PDGFRA: variants seen among roughly 807,000 people sequenced by gnomAD.
PDGFRA encodes platelet-derived growth factor receptor alpha.
PDGFRA carries 25 observed loss-of-function variants against 121.5 expected under a neutral mutation model. That is an observed-to-expected ratio of 0.21 (90% CI 0.15 to 0.29). The LOEUF (loss-of-function observed/expected upper bound fraction) is 0.29. PDGFRA is among the 10% of genes least tolerant of loss of function. PDGFRA has a pLI of 1.00. For missense variants in PDGFRA, 1,008 were observed against 1,345.1 expected, an observed-to-expected ratio of 0.75 and a Z score of 3.92; for synonymous variants, 463 against 494.8, an observed-to-expected ratio of 0.94 and a Z score of 0.85.
Position 54,261,095 on chromosome 4 carries a change from G to A in PDGFRA, c.50G>A (p.Gly17Glu), listed in dbSNP as rs766600687. ...AFLVLGCLLT[G>E]LSLILCQLSL... ...ATTCAGAGCGTGCTTCCTTTTGCAG[G>A]GCTGAGCCTAATCCTCTGCCAGCTT... is the stretch of plus-strand genomic sequence containing the variant. Residue 17 changes from glycine to glutamate, a missense_variant and splice_region_variant, in exon 3 of 23, where the codon GGG (glycine) becomes GAG (glutamate). Gly to Glu is a moderately conservative substitution (Grantham distance 98). Around this residue, in one of 5 missense-constraint regions of PDGFRA, gnomAD observed 575 missense variants for 701.8 expected, o/e 0.82. Transcript: ENST00000257290. 1 of 1,613,966 alleles carries A rather than the reference G, an allele frequency of 6.2e-7. No homozygotes were observed.
chr4:54,246,521 G>C lies in PDGFRA; in HGVS notation c.-12-12236G>C, dbSNP rs1317658096. On this transcript the variant is annotated intron_variant, in intron 1 of 22. Coordinates refer to ENST00000257290, the MANE Select transcript of PDGFRA (RefSeq NM_006206.6). ...ATAAAGATGTTCTTTGAACCGACGA[G>C]AACAAAGACACAACATACCAGAATC... is the stretch of plus-strand genomic sequence containing the variant. Among the ~76,000 whole-genome samples the C allele has an allele frequency of 2.0e-5, 3 of 152,114 alleles. No individual in the cohort carries two copies. The East Asian group carries it at 5.8e-4, about 29-fold the overall frequency.
chr4:54,281,349 T>C (rs1724068608), intron 16 of PDGFRA, among the ~76,000 whole-genome samples: 1 of 152,258 alleles, frequency 6.6e-6, no homozygotes, highest in Non-Finnish European at 1.5e-5. Context: ...GTGCTCTGAA[T>C]GTTTTCAGGT....
Position 54,240,274 on chromosome 4 carries a change from T to C in PDGFRA, c.-13+10859T>C, listed in dbSNP as rs188900896. Among the ~76,000 whole-genome samples, 13 of 152,382 alleles carry C rather than the reference T, an allele frequency of 8.5e-5. No homozygotes were observed. In the East Asian group the frequency reaches 1.9e-3, roughly 23 times the overall value. On this transcript the variant is annotated intron_variant, in intron 1 of 22. Transcript: ENST00000257290. ...ACTGTTTAAGGCAAGACACTTGGTT[T>C]TGAGAGTTCTCCCGTTGTGTTGACC...
Position 54,269,588 on chromosome 4 carries a change from A to C in PDGFRA, c.1122-1045A>C, listed in dbSNP as rs114623145. On this transcript the variant is annotated intron_variant, in intron 7 of 22. Coordinates refer to ENST00000257290, the MANE Select transcript of PDGFRA (RefSeq NM_006206.6). Reference sequence around the variant, plus strand: ...AATATTTTTGGGGAAGTTTCTCTTTAATAAAGTTTGAAGAGACATATATTT... The same window carrying C: ...AATATTTTTGGGGAAGTTTCTCTTTCATAAAGTTTGAAGAGACATATATTT... Among the ~76,000 whole-genome samples the C allele has an allele frequency of 4.6e-3, 698 of 151,810 alleles. 7 individuals carry two copies. Among genetic ancestry groups the C allele is most frequent in the African/African-American group, 0.016 (671 of 41,358 alleles).
At chr4:54,290,174 C>G in intron 21 of PDGFRA, 139 bp from the exon 22 acceptor site, 1 of 724,062 alleles carries the variant, frequency 1.4e-6, no homozygotes. Context: ...TGACATGACT[C>G]TCCTTCAACT....
At chr4:54,292,621 T>C (rs1437037444) in intron 22 of PDGFRA, among the ~76,000 whole-genome samples, 2 of 151,992 alleles carry the variant, frequency 1.3e-5, no homozygotes, top group Admixed American at 1.3e-4. Flanking sequence ...ATGACGCATG[T>C]TTACCCATGT....
Position 54,280,469 on chromosome 4 carries a change from G to T in PDGFRA, c.2310G>T (p.Lys770Asn). 1 of 1,613,156 alleles carries T rather than the reference G, an allele frequency of 6.2e-7. No individual in the cohort carries two copies. Among genetic ancestry groups the T allele is most frequent in the East Asian group, 2.2e-5 (1 of 44,836 alleles). ...ATGATCGTCCAGCCTCATATAAGAA[G>T]AAATCTATGTTAGGTAAAAGTGTCT... Reference protein sequence around the residue: ...SLYDRPASYKKKSMLDSEVKN... With the variant: ...SLYDRPASYKNKSMLDSEVKN... Residue 770 changes from lysine (K) to asparagine (N), a missense_variant, in exon 16 of 23, where the codon AAG becomes AAT. Transcript: ENST00000257290.
Position 54,285,788 on chromosome 4 carries a change from C to T in PDGFRA, c.2440-53C>T, listed in dbSNP as rs535803765. 2.0e-6 allele frequency: 3 copies of T among 1,500,516 alleles called. No individual in the cohort carries two copies. In the South Asian group the frequency reaches 3.4e-5, roughly 17 times the overall value. The allele number at this position is 1,500,516 out of a possible 1,614,324, so 93.0% of individuals were successfully genotyped here. A position where few individuals can be genotyped will look rare whatever the true frequency, so the allele number is the denominator to read the frequency against. ...ATCAGCCAGTCTTGCAGGGGTGATG[C>T]TATTCAGCTACAGATGGCTTGATCC... On this transcript the variant is annotated intron_variant, in intron 17 of 22. Coordinates refer to ENST00000257290, the MANE Select transcript of PDGFRA (RefSeq NM_006206.6).
rs189302784 is a variant in PDGFRA at position 54,241,211 on chromosome 4, C to T, written c.-13+11796C>T. 1.4e-3 allele frequency among the ~76,000 whole-genome samples: 217 copies of T among 151,450 alleles called. 2 individuals carry two copies. Among genetic ancestry groups the T allele is most frequent in the South Asian group, 5.8e-3 (28 of 4,792 alleles). ...TATGTGGGGTTTAAAATATGAATTT[C>T]GAAAGAAAATAAAAACAAGTAGAAA... On this transcript the variant is annotated intron_variant, in intron 1 of 22. Coordinates refer to ENST00000257290, the MANE Select transcript of PDGFRA (RefSeq NM_006206.6).
intron 1 of PDGFRA, among the ~76,000 whole-genome samples, chr4:54,247,420 C>A (rs928688723): frequency 6.6e-6 from 1 of 152,100 alleles, no homozygotes; most frequent in Admixed American, 6.6e-5. Flanking sequence ...TCAATATACC[C>A]AAATCAATAA....
rs763300570 is a variant in PDGFRA at position 54,295,121 on chromosome 4, C to T, written c.3123-4C>T. On this transcript the variant is annotated splice_region_variant and splice_polypyrimidine_tract_variant and intron_variant, in intron 22 of 22. Transcript: ENST00000257290. The stretch of plus-strand genomic sequence containing the variant: ...TAATATTTGCTCTTCTCTCCCTCCT[C>T]CAGCTCGCAGACCTCTGAAGAGAGT... 6.2e-7 allele frequency: 1 copy of T among 1,613,890 alleles called. No individual in the cohort carries two copies. The highest frequency in any genetic ancestry group is 2.2e-5 in the East Asian group (1 of 44,854).
chr4:54,239,932 C>T (rs1721207026), intron 1 of PDGFRA: 1 of 208,970 alleles, frequency 4.8e-6, no homozygotes, highest in Non-Finnish European at 1.1e-5. Context: ...CTCACTGAAG[C>T]CTGGACCTCA....
chr4:54,244,518 G>C (rs537045913), intron 1 of PDGFRA, among the ~76,000 whole-genome samples: 2 of 152,198 alleles, frequency 1.3e-5, no homozygotes, highest in Admixed American at 1.3e-4. Context: ...CTGTCTGTTA[G>C]AAGGAAAACT....
Position 54,289,491 on chromosome 4 carries a change from T to C in PDGFRA, c.2880+377T>C, listed in dbSNP as rs183557432. Among the ~76,000 whole-genome samples, 54 of 152,330 alleles carry C rather than the reference T, an allele frequency of 3.5e-4. 1 individual carries two copies. The highest frequency in any genetic ancestry group is 1.2e-3 in the African/African-American group (48 of 41,572). On this transcript the variant is annotated intron_variant, in intron 21 of 22. Coordinates refer to ENST00000257290, the MANE Select transcript of PDGFRA (RefSeq NM_006206.6). Reference sequence around the variant, plus strand: ...GCGGACTGGAAGGAACAACCTCAGCTGTTATCTGTGGCACCAGCTGGTTTT... The same window carrying C: ...GCGGACTGGAAGGAACAACCTCAGCCGTTATCTGTGGCACCAGCTGGTTTT...
chr4:54,280,283 C>A lies in PDGFRA; in HGVS notation c.2157-33C>A, dbSNP rs1156963904. 2.5e-6 allele frequency: 4 copies of A among 1,599,498 alleles called. No individual in the cohort carries two copies. The Admixed American group carries it at 6.7e-5, about 27-fold the overall frequency. Reference sequence around the variant, plus strand: ...GTGGAATGACCACTTCAGAAGGGCACCCTGGGTAAGATTTCTCTTTCTGTT... The same window carrying A: ...GTGGAATGACCACTTCAGAAGGGCAACCTGGGTAAGATTTCTCTTTCTGTT... On this transcript the variant is annotated intron_variant, in intron 15 of 22. Coordinates refer to ENST00000257290, the MANE Select transcript of PDGFRA (RefSeq NM_006206.6).
chr4:54,253,449 A>G (rs1453241867), intron 1 of PDGFRA, among the ~76,000 whole-genome samples: 1 of 152,152 alleles, frequency 6.6e-6, no homozygotes, highest in Non-Finnish European at 1.5e-5. Flanking sequence ...AGAAAGCATA[A>G]GAAGGCTAAG....
intron 1 of PDGFRA, among the ~76,000 whole-genome samples, chr4:54,240,501 A>G (rs1721242953): frequency 6.6e-6 from 1 of 152,226 alleles, no homozygotes; most frequent in South Asian, 2.1e-4. Context: ...ATTGTGGGTT[A>G]GAGTCCCACC....
chr4:54,279,368 C>T (rs772878778), intron 15 of PDGFRA, among the ~76,000 whole-genome samples: 44 of 152,224 alleles, frequency 2.9e-4, no homozygotes, highest in Non-Finnish European at 5.9e-4. Context: ...ACAAATATTC[C>T]GCTAGTCTTT....
intron 7 of PDGFRA, among the ~76,000 whole-genome samples, chr4:54,270,303 AG>A (rs1723271254): frequency 6.6e-6 from 1 of 152,112 alleles, no homozygotes; most frequent in Non-Finnish European, 1.5e-5. Context: ...TAAAAATCAA[AG>A]GTTTTTATTT....
Sources: gnomAD v4.1 joint callset for allele counts (sites outside exome capture counted in the v4.1 genomes callset) on GRCh38, gnomAD v4.1.1 for gene constraint, gnomAD v4.1.1 regional missense constraint, MANE v1.5 for transcripts, NCBI Gene and HGNC (gene_info 2026-07-23, HGNC 2026-07-21) for gene names.